ADAMTS6: variants seen among roughly 807,000 people sequenced by gnomAD.
The protein encoded by ADAMTS6 is A disintegrin and metalloproteinase with thrombospondin motifs 6.
ADAMTS6 carries 23 observed loss-of-function variants against 144.3 expected under a neutral mutation model. That is an observed-to-expected ratio of 0.16 (90% CI 0.11 to 0.23). ADAMTS6 has a LOEUF of 0.23. Ranked by LOEUF, ADAMTS6 falls within the 10% of genes least tolerant of loss-of-function variation. The pLI is 1.00. For missense variants in ADAMTS6, 999 were observed against 1,379.6 expected, an observed-to-expected ratio of 0.72 and a Z score of 4.37; for synonymous variants, 444 against 457.5, an observed-to-expected ratio of 0.97 and a Z score of 0.38.
chr5:65,333,997 TAAAAAAAAAAAAAAAAA>T (rs750637450), intron 8 of ADAMTS6, 28 bp downstream of exon 8: 5 of 842,420 alleles, frequency 5.9e-6, no homozygotes, highest in Admixed American at 8.0e-5. Context: ...CTACCTTTAT[TAAAAAAAAAAAAAAAAA>T]AAAAAAAAAA....
chr5:65,389,286 A>G (rs950356778), intron 7 of ADAMTS6, among the ~76,000 whole-genome samples: 1 of 152,176 alleles, frequency 6.6e-6, no homozygotes, highest in Admixed American at 6.5e-5. Context: ...ATTATCATAC[A>G]GTGGTACAGG....
At chr5:65,344,571 T>C (rs888616957) in intron 7 of ADAMTS6, among the ~76,000 whole-genome samples, 4 of 151,952 alleles carry the variant, frequency 2.6e-5, no homozygotes, top group Non-Finnish European at 5.9e-5. Context: ...TGAAAATTTT[T>C]GTTTCCAAGT....
chr5:65,315,356 T>A (rs1246692955), intron 9 of ADAMTS6, among the ~76,000 whole-genome samples: 3 of 151,996 alleles, frequency 2.0e-5, no homozygotes, highest in African/African-American at 7.2e-5. Context: ...TTAAAGGAAG[T>A]ATAATTGATA....
intron 7 of ADAMTS6, among the ~76,000 whole-genome samples, chr5:65,394,536 C>T (rs1184972780): frequency 6.6e-6 from 1 of 152,132 alleles, no homozygotes; most frequent in Non-Finnish European, 1.5e-5. Flanking sequence ...GTCAGCATTC[C>T]AGATAGTGAA....
At chr5:65,323,863 G>A (rs925253781) in intron 9 of ADAMTS6, among the ~76,000 whole-genome samples, 1 of 152,172 alleles carries the variant, frequency 6.6e-6, no homozygotes, top group African/African-American at 2.4e-5. Context: ...TTTCTCTGAT[G>A]GCCAGTGATG....
At chr5:65,473,180 G>A (rs1760597053) in intron 2 of ADAMTS6, among the ~76,000 whole-genome samples, 1 of 152,024 alleles carries the variant, frequency 6.6e-6, no homozygotes, top group African/African-American at 2.4e-5. Flanking sequence ...TTCACAAAGG[G>A]TCCATATTAA....
intron 18 of ADAMTS6, among the ~76,000 whole-genome samples, chr5:65,218,058 AG>A (rs1757058566): frequency 2.0e-5 from 3 of 152,196 alleles, no homozygotes; most frequent in Admixed American, 1.3e-4. Context: ...GAAACTGGGA[AG>A]GCTGACATAG....
At chr5:65,186,203 C>A (rs761020156) in intron 22 of ADAMTS6, among the ~76,000 whole-genome samples, 1 of 152,132 alleles carries the variant, frequency 6.6e-6, no homozygotes, top group Non-Finnish European at 1.5e-5. Context: ...CAACTCTATA[C>A]CCCTCCATAT....
At chr5:65,213,513 G>A (rs996386491) in intron 20 of ADAMTS6, among the ~76,000 whole-genome samples, 1 of 151,816 alleles carries the variant, frequency 6.6e-6, no homozygotes, top group Non-Finnish European at 1.5e-5. Flanking sequence ...GTGGTGGCGT[G>A]CTCCCTAGCT....
rs369188012 is a variant in ADAMTS6 at position 65,151,851 on chromosome 5, G to T, written c.3339C>A (p.Thr1113=). 1 of 1,612,448 alleles carries T rather than the reference G, an allele frequency of 6.2e-7. No homozygotes were observed. Among genetic ancestry groups the T allele is most frequent in the Non-Finnish European group, 8.5e-7 (1 of 1,178,664 alleles). ...TTTCTGTGGGTCAGTGTCCTTGGCA[G>T]GTCTTACAACACATCTGTCTGAAGT... ...RAYFRQMCCK[T]CQGH is the part of the protein sequence containing the mutation. The change falls in exon 25 of 25, where the codon ACC becomes ACA. Residue 1113 remains threonine (T), a synonymous_variant. Coordinates refer to ENST00000381055, the MANE Select transcript of ADAMTS6 (RefSeq NM_197941.4).
intron 7 of ADAMTS6, among the ~76,000 whole-genome samples, chr5:65,412,471 A>G (rs1210696635): frequency 6.6e-6 from 1 of 151,998 alleles, no homozygotes; most frequent in African/African-American, 2.4e-5. Flanking sequence ...CCAAATACAC[A>G]TGATTTGATA....
At chr5:65,202,150 T>C (rs1561275325) in intron 20 of ADAMTS6, among the ~76,000 whole-genome samples, 1 of 152,214 alleles carries the variant, frequency 6.6e-6, no homozygotes. Flanking sequence ...AGCCTCCTGC[T>C]AGTTTTTATC....
rs74760632 is a variant in ADAMTS6, at chr5:65,300,387, C to T, written c.1224-256G>A. Among the ~76,000 whole-genome samples the T allele has an allele frequency of 5.2e-3, 791 of 152,286 alleles. 6 individuals carry two copies. The highest frequency in any genetic ancestry group is 0.018 in the African/African-American group (752 of 41,568). ...CCTGTTATCGCACGTTTCAATTTCT[C>T]TTTGAGCCGAATATATTGTATATCA... On this transcript the variant is annotated intron_variant, in intron 9 of 24. Coordinates refer to ENST00000381055, the MANE Select transcript of ADAMTS6 (RefSeq NM_197941.4).
intron 7 of ADAMTS6, among the ~76,000 whole-genome samples, chr5:65,349,341 T>C (rs568233024): frequency 3.4e-4 from 51 of 152,102 alleles, no homozygotes; most frequent in Non-Finnish European, 5.4e-4. Context: ...GACTTCATAA[T>C]AAAAATGCAG....
chr5:65,314,970 A>G (rs1413673156), intron 9 of ADAMTS6, among the ~76,000 whole-genome samples: 1 of 152,202 alleles, frequency 6.6e-6, no homozygotes, highest in Non-Finnish European at 1.5e-5. Context: ...TTGTATCAAA[A>G]TATCACACAT....
intron 13 of ADAMTS6, among the ~76,000 whole-genome samples, chr5:65,262,390 A>T (rs895518238): frequency 9.9e-5 from 15 of 152,212 alleles, no homozygotes; most frequent in African/African-American, 2.9e-4. Context: ...TCAACCCTTG[A>T]AGTGCTCTCA....
At chr5:65,419,430 AAACT>A (rs1392074020) in intron 7 of ADAMTS6, among the ~76,000 whole-genome samples, 2 of 152,186 alleles carry the variant, frequency 1.3e-5, no homozygotes, top group Non-Finnish European at 2.9e-5. Context: ...AAGGGTTGAA[AAACT>A]AACTATTGGA....
At chr5:65,403,955 T>G (rs1438732675) in intron 7 of ADAMTS6, among the ~76,000 whole-genome samples, 6 of 152,028 alleles carry the variant, frequency 3.9e-5, no homozygotes, top group Non-Finnish European at 5.9e-5. Context: ...AAAGAGTGCC[T>G]GATACAAATG....
chr5:65,202,351 A>G (rs887997586), intron 20 of ADAMTS6, among the ~76,000 whole-genome samples: 5 of 152,232 alleles, frequency 3.3e-5, no homozygotes, highest in African/African-American at 1.2e-4. Flanking sequence ...GAACATACGT[A>G]TACTGAGCTT....
Sources: allele counts gnomAD v4.1 joint callset (sites outside exome capture counted in the v4.1 genomes callset), GRCh38; gene constraint gnomAD v4.1.1; transcripts MANE v1.5; gene names NCBI Gene and HGNC (gene_info 2026-07-23, HGNC 2026-07-21).